Variants in PDS5A observed in about 807,000 individuals in gnomAD.
PDS5A encodes sister chromatid cohesion protein PDS5 homolog A.
In PDS5A, 42 loss-of-function variants were observed where a neutral mutation model predicts 167.1. The ratio of observed to expected loss-of-function variants is 0.25; its 90% CI spans 0.20 to 0.33. The LOEUF (loss-of-function observed/expected upper bound fraction) is 0.33, where lower values mean the gene tolerates loss of function less well. Among genes scored for constraint, PDS5A ranks in the 10% least tolerant of loss-of-function variants. The pLI is 1.00. For synonymous variants in PDS5A, 553 were observed against 554.6 expected (o/e 1.00, Z 0.04); for missense variants, 1,033 against 1,605.9 (o/e 0.64, Z 6.10).
chr4:39,964,524 AG>A (rs1261641405), intron 2 of PDS5A, among the ~76,000 whole-genome samples: 1 of 152,122 alleles, frequency 6.6e-6, no homozygotes, highest in African/African-American at 2.4e-5. Flanking sequence ...ATCAACGTAG[AG>A]CGACCCCCAA....
intron 22 of PDS5A, 97 bp downstream of exon 22, chr4:39,869,297 C>T (rs900315810): frequency 1.0e-5 from 8 of 793,098 alleles, no homozygotes; most frequent in African/African-American, 1.7e-5. Context: ...ACAGCAAGAT[C>T]CCATCTCTGT....
At chr4:39,841,427 G>C (rs926155660) in intron 31 of PDS5A, among the ~76,000 whole-genome samples, 1 of 152,032 alleles carries the variant, frequency 6.6e-6, no homozygotes, top group African/African-American at 2.4e-5. Context: ...ATGAGCCAAC[G>C]CACCAGGCCT....
intron 32 of PDS5A, among the ~76,000 whole-genome samples, chr4:39,835,438 G>A (rs1716297750): frequency 6.6e-6 from 1 of 152,200 alleles, no homozygotes; most frequent in Admixed American, 6.6e-5. Context: ...TAAAAGCAAA[G>A]CAATGGATTT....
intron 5 of PDS5A, among the ~76,000 whole-genome samples, chr4:39,923,331 TAA>T (rs1178389893): frequency 1.2e-4 from 8 of 65,870 alleles, no homozygotes; most frequent in Non-Finnish European, 9.5e-5. Context: ...TTGTATCAAT[TAA>T]AAAAAAAAAA....
At chr4:39,877,266 T>G in intron 18 of PDS5A, 113 bp from the exon 19 acceptor site, 160 of 562,132 alleles carry the variant, frequency 2.8e-4, no homozygotes, top group Middle Eastern at 4.6e-4. Context: ...ATATGCTAGC[T>G]ACACAGAATA....
chr4:39,898,728 T>C (rs1446982784), intron 15 of PDS5A, 49 bp downstream of exon 15: 1 of 1,149,284 alleles, frequency 8.7e-7, no homozygotes, highest in Admixed American at 2.1e-5. Context: ...AAATACTTTG[T>C]CTGCATTTAC....
intron 17 of PDS5A, among the ~76,000 whole-genome samples, chr4:39,885,830 C>T (rs995511580): frequency 2.0e-5 from 3 of 152,118 alleles, no homozygotes; most frequent in African/African-American, 7.2e-5. Context: ...TGGCATGTGC[C>T]TATGGTCCCA....
At chr4:39,882,036 T>G (rs12651127) in intron 17 of PDS5A, among the ~76,000 whole-genome samples, 6,910 of 152,272 alleles carry the variant, frequency 0.045, 257 homozygotes, top group East Asian at 0.22. Flanking sequence ...ACTGTGATTG[T>G]GAGGCCTCCC....
intron 26 of PDS5A, among the ~76,000 whole-genome samples, chr4:39,857,604 G>A (rs1207136756): frequency 6.6e-6 from 1 of 152,040 alleles, no homozygotes; most frequent in Non-Finnish European, 1.5e-5. Flanking sequence ...GAGATAAGTG[G>A]CTATTTTATT....
chr4:39,926,574 TAC>T (rs753589820), intron 4 of PDS5A, among the ~76,000 whole-genome samples, 199 bp downstream of exon 4: 2 of 151,524 alleles, frequency 1.3e-5, no homozygotes, highest in Non-Finnish European at 2.9e-5. Flanking sequence ...TCAAATAATC[TAC>T]AGTTTTTCCA....
chr4:39,904,272 G>T, intron 11 of PDS5A, 81 bp from the exon 12 acceptor site: 1 of 913,868 alleles, frequency 1.1e-6, no homozygotes, highest in Non-Finnish European at 1.6e-6. Flanking sequence ...GCTTCATTAG[G>T]TTGTACAGTC....
intron 2 of PDS5A, among the ~76,000 whole-genome samples, chr4:39,944,151 C>T (rs1727513741): frequency 7.0e-6 from 1 of 143,716 alleles, no homozygotes; most frequent in African/African-American, 2.6e-5. Flanking sequence ...TGCAGTCCAG[C>T]CTGGGAAACA....
chr4:39,870,035 G>A (rs1560441821), intron 21 of PDS5A, among the ~76,000 whole-genome samples: 1 of 152,040 alleles, frequency 6.6e-6, no homozygotes, highest in Non-Finnish European at 1.5e-5. Context: ...CTTGAACCTA[G>A]GAGGCAGAGG....
intron 2 of PDS5A, among the ~76,000 whole-genome samples, chr4:39,943,620 CAAAAAAAAA>C (rs67431661): frequency 1.8e-5 from 2 of 109,784 alleles, no homozygotes; most frequent in African/African-American, 3.6e-5. Flanking sequence ...CCCGTTTCTA[CAAAAAAAAA>C]AAAAAAAAAA....
chr4:39,944,694 C>CAAAAAA (rs373241104), intron 2 of PDS5A, among the ~76,000 whole-genome samples: 6 of 86,068 alleles, frequency 7.0e-5, no homozygotes, highest in Admixed American at 1.3e-4. Flanking sequence ...AACTCCATCT[C>CAAAAAA]AAAAAAAAAA....
In PDS5A at chr4:39,917,541, T is replaced by C. The variant is rs528033539; in HGVS notation, c.736-353A>G. 5.9e-5 allele frequency among the ~76,000 whole-genome samples: 9 copies of C among 152,276 alleles called. No individual in the cohort carries two copies. In the East Asian group the frequency reaches 1.7e-3, roughly 29 times the overall value. On this transcript the variant is annotated intron_variant, in intron 7 of 32. Transcript: ENST00000303538. Reference sequence around the variant, plus strand: ...AAAGGATTTTAGAAAAATTTCCTTGTAGCAGAGAAAAATTACAAAGTCTCA... The same window carrying C: ...AAAGGATTTTAGAAAAATTTCCTTGCAGCAGAGAAAAATTACAAAGTCTCA...
chr4:39,885,176 C>T (rs898852419), intron 17 of PDS5A, among the ~76,000 whole-genome samples: 1 of 142,862 alleles, frequency 7.0e-6, no homozygotes, highest in Non-Finnish European at 1.5e-5. Context: ...ACCCGGGAGG[C>T]AGAGGTGGCA....
intron 2 of PDS5A, among the ~76,000 whole-genome samples, chr4:39,950,548 C>G (rs1728250597): frequency 6.6e-6 from 1 of 152,150 alleles, no homozygotes; most frequent in Admixed American, 6.5e-5. Context: ...GCCTGGGCAA[C>G]ATGGTGAAAC....
chr4:39,937,454 C>T (rs1021322631), intron 2 of PDS5A, among the ~76,000 whole-genome samples: 58 of 152,102 alleles, frequency 3.8e-4, no homozygotes, highest in African/African-American at 1.4e-3. Context: ...CACTTTGTCG[C>T]CCAGGCTGGA....
Sources: gnomAD v4.1 joint callset for allele counts (sites outside exome capture counted in the v4.1 genomes callset) on GRCh38, gnomAD v4.1.1 for gene constraint, MANE v1.5 for transcripts, NCBI Gene and HGNC (gene_info 2026-07-23, HGNC 2026-07-21) for gene names.